The following CENPW variants were observed in gnomAD, a reference collection of about 807,000 sequenced individuals.
CENPW encodes centromere protein W, also known as cancer-up-regulated gene 2 protein.
CENPW carries 3 observed loss-of-function variants against 11.1 expected under a neutral mutation model. That is an observed-to-expected ratio of 0.27 (90% CI 0.12 to 0.70). The LOEUF (loss-of-function observed/expected upper bound fraction) is 0.70. Among genes scored for constraint, CENPW ranks in the 30% least tolerant of loss-of-function variants. The probability of loss-of-function intolerance (pLI) is 0.77; values close to 1 mark genes in which losing one functional copy is unlikely to be tolerated. For synonymous variants in CENPW, 38 were observed against 42.0 expected, an observed-to-expected ratio of 0.91 and a Z score of 0.37; for missense variants, 100 against 105.6, an observed-to-expected ratio of 0.95 and a Z score of 0.23.
At chr6:126,448,678 G>T in the CENPW span, among the ~76,000 whole-genome samples, 1 of 150,942 alleles carries the variant, frequency 6.6e-6, no homozygotes. Flanking sequence ...GGTCAAGGAA[G>T]CATCCATATA....
chr6:126,392,898 T>C, the CENPW span, among the ~76,000 whole-genome samples: 1 of 151,804 alleles, frequency 6.6e-6, no homozygotes, highest in South Asian at 2.1e-4. Flanking sequence ...ACTGGAAAAA[T>C]TCAGGGGTTA....
the CENPW span, among the ~76,000 whole-genome samples, chr6:126,437,529 A>G: frequency 6.6e-6 from 1 of 151,890 alleles, no homozygotes; most frequent in East Asian, 1.9e-4. Context: ...ATACAGCTTG[A>G]AATTATAGTG....
At chr6:126,369,263 T>G in the CENPW span, among the ~76,000 whole-genome samples, 1 of 152,194 alleles carries the variant, frequency 6.6e-6, no homozygotes, top group African/African-American at 2.4e-5. Flanking sequence ...TGCAAATATC[T>G]TTTTCATGTA....
the CENPW span, among the ~76,000 whole-genome samples, chr6:126,424,655 GCT>G: frequency 6.6e-6 from 1 of 152,062 alleles, no homozygotes; most frequent in Non-Finnish European, 1.5e-5. Context: ...GGGGTGCTGT[GCT>G]CATGTATTGC....
the CENPW span, among the ~76,000 whole-genome samples, chr6:126,482,680 C>G: frequency 3.3e-5 from 5 of 151,918 alleles, no homozygotes; most frequent in Non-Finnish European, 7.4e-5. Context: ...GAGTGTATTT[C>G]TGAACTCTCT....
chr6:126,394,125 T>C, the CENPW span, among the ~76,000 whole-genome samples: 3 of 152,020 alleles, frequency 2.0e-5, no homozygotes, highest in Admixed American at 6.6e-5. Context: ...CCATTTACAT[T>C]GAAGGCAATT....
chr6:126,427,585 C>G, the CENPW span, among the ~76,000 whole-genome samples: 1,283 of 152,274 alleles, frequency 8.4e-3, 15 homozygotes, highest in African/African-American at 0.03. Context: ...AGTTGCAACT[C>G]TTCAGATATC....
At chr6:126,349,088 C>T (rs1376194383), downstream of CENPW, among the ~76,000 whole-genome samples, 1 of 151,950 alleles carries the variant, frequency 6.6e-6, no homozygotes, top group Non-Finnish European at 1.5e-5. Flanking sequence ...CTTCAAGTCT[C>T]ATGGATTTAA....
the CENPW span, among the ~76,000 whole-genome samples, chr6:126,354,588 A>G: frequency 6.6e-6 from 1 of 152,134 alleles, no homozygotes; most frequent in Non-Finnish European, 1.5e-5. Flanking sequence ...CCTTGTAATT[A>G]AAAGTGCTAG....
chr6:126,387,044 G>A, the CENPW span, among the ~76,000 whole-genome samples: 1 of 151,870 alleles, frequency 6.6e-6, no homozygotes, highest in Non-Finnish European at 1.5e-5. Context: ...CTAAGTTAGA[G>A]AGTTAACTGA....
chr6:126,405,279 T>A, the CENPW span, among the ~76,000 whole-genome samples: 1 of 152,232 alleles, frequency 6.6e-6, no homozygotes, highest in East Asian at 1.9e-4. Context: ...TGTATTAATA[T>A]GTTCTTGGCA....
chr6:126,391,189 T>C, the CENPW span, among the ~76,000 whole-genome samples: 1 of 151,966 alleles, frequency 6.6e-6, no homozygotes, highest in Non-Finnish European at 1.5e-5. Flanking sequence ...ATTATATCCC[T>C]TTGTAGTTTT....
In CENPW at chr6:126,348,468, A is replaced by T; in HGVS notation, c.243A>T (p.Val81=). The T allele has an allele frequency of 7.2e-7, 1 of 1,380,682 alleles. No homozygotes were observed. The highest frequency in any genetic ancestry group is 1.0e-6 in the Non-Finnish European group (1 of 971,450). 85.5% of individuals were successfully genotyped at this position (1,380,682 alleles called of 1,614,324 possible). ...TCTTATTTTTTTCCCTCTTACAGGT[A>T]ATTCTAAAGAAGAGCAGAGGTTAGA... ...NKEHVLAAAK[V]ILKKSRG The change falls in exon 3 of 3, where the codon GTA becomes GTT. Residue 81 remains valine, a splice_region_variant and synonymous_variant. Transcript: ENST00000368328.
At chr6:126,375,853 C>G in the CENPW span, among the ~76,000 whole-genome samples, 1 of 152,128 alleles carries the variant, frequency 6.6e-6, no homozygotes, top group Admixed American at 6.6e-5. Context: ...AATTTCTAAT[C>G]CTTTACTCCT....
the CENPW span, among the ~76,000 whole-genome samples, chr6:126,388,330 A>G: frequency 6.6e-6 from 1 of 152,018 alleles, no homozygotes; most frequent in South Asian, 2.1e-4. Flanking sequence ...GTAGATTGCT[A>G]TAATGTACAG....
At chr6:126,425,229 T>C in the CENPW span, among the ~76,000 whole-genome samples, 6 of 152,112 alleles carry the variant, frequency 3.9e-5, no homozygotes, top group African/African-American at 1.4e-4. Context: ...GGGTTAAAAT[T>C]TGTACCCTCC....
chr6:126,432,107 T>C, the CENPW span, among the ~76,000 whole-genome samples: 2 of 151,600 alleles, frequency 1.3e-5, no homozygotes, highest in Non-Finnish European at 2.9e-5. Flanking sequence ...TATTTTTCTT[T>C]GGTTCTCATT....
At chr6:126,464,648 G>T in the CENPW span, among the ~76,000 whole-genome samples, 1 of 152,092 alleles carries the variant, frequency 6.6e-6, no homozygotes, top group Admixed American at 6.6e-5. Context: ...GGTTTACCAG[G>T]GTCTCTTGGG....
At chr6:126,360,983 A>G in the CENPW span, among the ~76,000 whole-genome samples, 1 of 152,128 alleles carries the variant, frequency 6.6e-6, no homozygotes, top group East Asian at 1.9e-4. Flanking sequence ...GGTTAAGGGG[A>G]CATTCTGACT....
Sources: allele counts gnomAD v4.1 joint callset (sites outside exome capture counted in the v4.1 genomes callset), GRCh38; gene constraint gnomAD v4.1.1; transcripts MANE v1.5; gene names NCBI Gene and HGNC (gene_info 2026-07-23, HGNC 2026-07-21).